Variants in IL1R1 observed in about 807,000 individuals in gnomAD.
The protein encoded by IL1R1 is interleukin 1 receptor type 1, also known as interleukin-1 receptor type 1.
In IL1R1, 22 loss-of-function variants were observed where a neutral mutation model predicts 50.2. The observed-to-expected ratio is 0.44, with a 90% CI of 0.31 to 0.63. The LOEUF is 0.63. IL1R1 is among the 20% of genes least tolerant of loss of function. IL1R1 has a pLI of 0.07. For synonymous variants in IL1R1, 251 were observed against 236.7 expected (o/e 1.06, Z -0.55); for missense variants, 509 against 676.2 (o/e 0.75, Z 2.74).
chr2:102,176,068 C>G, intron 11 of IL1R1: 3 of 452,860 alleles, frequency 6.6e-6, no homozygotes, highest in East Asian at 7.9e-5. Context: ...CCTTTTATCT[C>G]AGTACAACCC....
chr2:102,095,957 C>T (rs994075193), intron 1 of IL1R1, among the ~76,000 whole-genome samples: 3 of 152,006 alleles, frequency 2.0e-5, no homozygotes, highest in African/African-American at 4.8e-5. Flanking sequence ...GAGCCGAGAT[C>T]GTGCCACTGC....
chr2:102,073,746 A>G (rs1405787650), intron 1 of IL1R1, among the ~76,000 whole-genome samples: 1 of 152,186 alleles, frequency 6.6e-6, no homozygotes, highest in Non-Finnish European at 1.5e-5. Context: ...GTAGGAGACC[A>G]TACCATACTC....
chr2:102,110,501 G>A (rs1228490042), intron 1 of IL1R1, among the ~76,000 whole-genome samples: 1 of 133,296 alleles, frequency 7.5e-6, no homozygotes, highest in Non-Finnish European at 1.5e-5. Context: ...CTCTCCATGT[G>A]CTCGTCAACA....
At chr2:102,130,872 A>C (rs971066643) in intron 1 of IL1R1, among the ~76,000 whole-genome samples, 5 of 152,146 alleles carry the variant, frequency 3.3e-5, no homozygotes, top group Admixed American at 3.3e-4. Flanking sequence ...CAAAATATGC[A>C]AAACCAGGGT....
chr2:102,094,661 A>G (rs1036796007), intron 1 of IL1R1, among the ~76,000 whole-genome samples: 2 of 152,224 alleles, frequency 1.3e-5, no homozygotes, highest in East Asian at 1.9e-4. Flanking sequence ...TCATCAAGTC[A>G]TTAACTCTTA....
chr2:102,173,646 A>G (rs929392194), intron 9 of IL1R1, among the ~76,000 whole-genome samples: 1 of 152,232 alleles, frequency 6.6e-6, no homozygotes, highest in African/African-American at 2.4e-5. Flanking sequence ...AAGACTCGAT[A>G]TTATGAAGAT....
chr2:102,108,193 T>C (rs529613386), intron 1 of IL1R1, among the ~76,000 whole-genome samples: 1 of 151,876 alleles, frequency 6.6e-6, no homozygotes, highest in East Asian at 1.9e-4. Context: ...CGTCTTCTAA[T>C]TCTAAACTTG....
At position 102,143,690 on chromosome 2, in the gene IL1R1, G is replaced by A. The variant is rs138271949; in HGVS notation, c.-84+670G>A. Among the ~76,000 whole-genome samples the A allele has an allele frequency of 4.6e-4, 70 of 152,252 alleles. No individual in the cohort carries two copies. In the East Asian group the frequency reaches 0.011, roughly 24 times the overall value. The stretch of plus-strand genomic sequence containing the variant: ...AAGGAGGGTAAGACCTCTGCATGCA[G>A]CCCCCCTCTGTCTTCCCTCCCACTC... On this transcript the variant is annotated intron_variant, in intron 1 of 11. Transcript: ENST00000410023.
intron 1 of IL1R1, among the ~76,000 whole-genome samples, chr2:102,127,384 C>T (rs1365008405): frequency 2.0e-5 from 3 of 152,088 alleles, no homozygotes; most frequent in Non-Finnish European, 4.4e-5. Context: ...AAATCAAGTG[C>T]AAGAACCTTT....
At chr2:102,098,225 G>A (rs898299205) in intron 1 of IL1R1, among the ~76,000 whole-genome samples, 1 of 151,992 alleles carries the variant, frequency 6.6e-6, no homozygotes, top group Non-Finnish European at 1.5e-5. Context: ...ATACTCTCTT[G>A]GGAAACCAGG....
chr2:102,114,212 C>G lies in IL1R1; in HGVS notation c.-84+9340C>G, dbSNP rs542973661. Among the ~76,000 whole-genome samples, 3 of 152,208 alleles carry G rather than the reference C, an allele frequency of 2.0e-5. No homozygotes were observed. In the South Asian group the frequency reaches 6.2e-4, roughly 32 times the overall value. On this transcript the variant is annotated intron_variant, in intron 1 of 10. Transcript: ENST00000409329. Reference sequence around the variant, plus strand: ...AAATGATCAGTATGTAATATTGAAGCCCAAATCAATACAAATGAAATGCAT... The same window carrying G: ...AAATGATCAGTATGTAATATTGAAGGCCAAATCAATACAAATGAAATGCAT...
chr2:102,155,382 G>A (rs1375296955), intron 2 of IL1R1, among the ~76,000 whole-genome samples: 1 of 152,214 alleles, frequency 6.6e-6, no homozygotes, highest in Admixed American at 6.5e-5. Flanking sequence ...AGGGACTTCT[G>A]ACTTGGATAG....
intron 1 of IL1R1, among the ~76,000 whole-genome samples, chr2:102,117,011 C>T (rs1229896046): frequency 1.3e-5 from 2 of 152,160 alleles, no homozygotes; most frequent in Non-Finnish European, 2.9e-5. Flanking sequence ...TAAAAGGTAA[C>T]ACTTAATGAC....
At chr2:102,131,128 G>A (rs1002507760) in intron 1 of IL1R1, among the ~76,000 whole-genome samples, 3 of 152,170 alleles carry the variant, frequency 2.0e-5, no homozygotes, top group African/African-American at 4.8e-5. Context: ...GGAAAGTCTC[G>A]TAATTCATAG....
chr2:102,119,392 G>T (rs963540146), intron 1 of IL1R1, among the ~76,000 whole-genome samples: 2 of 152,178 alleles, frequency 1.3e-5, no homozygotes, highest in African/African-American at 4.8e-5. Flanking sequence ...ATTTTGTGTG[G>T]TCAGTAGGTT....
At chr2:102,089,088 G>A (rs1679550056) in intron 1 of IL1R1, among the ~76,000 whole-genome samples, 1 of 152,180 alleles carries the variant, frequency 6.6e-6, no homozygotes, top group African/African-American at 2.4e-5. Context: ...CACTGGAGTA[G>A]CACTTTTAAT....
intron 1 of IL1R1, among the ~76,000 whole-genome samples, chr2:102,116,804 G>A (rs564299699): frequency 2.6e-4 from 39 of 152,272 alleles, no homozygotes; most frequent in Admixed American, 2.3e-3. Flanking sequence ...GTGAAATCAC[G>A]TTAGCACTTT....
intron 1 of IL1R1, among the ~76,000 whole-genome samples, chr2:102,094,860 T>C (rs896086164): frequency 3.3e-5 from 5 of 152,184 alleles, no homozygotes; most frequent in Admixed American, 1.3e-4. Context: ...TATATGTATG[T>C]ATATTTCCAT....
At chr2:102,146,950 C>T (rs1481074040) in intron 1 of IL1R1, among the ~76,000 whole-genome samples, 1 of 152,200 alleles carries the variant, frequency 6.6e-6, no homozygotes, top group African/African-American at 2.4e-5. Context: ...CCACTGCTTT[C>T]CCTGCATTGC....
Sources: allele counts gnomAD v4.1 joint callset (sites outside exome capture counted in the v4.1 genomes callset), GRCh38; gene constraint gnomAD v4.1.1; transcripts MANE v1.5; gene names NCBI Gene and HGNC (gene_info 2026-07-23, HGNC 2026-07-21).